The following IQGAP2 variants were observed in gnomAD, a reference collection of about 807,000 sequenced individuals.
IQGAP2 encodes ras GTPase-activating-like protein IQGAP2.
IQGAP2 carries 173 observed loss-of-function variants against 201.3 expected under a neutral mutation model. That is an observed-to-expected ratio of 0.86 (90% CI 0.76 to 0.98). The LOEUF (loss-of-function observed/expected upper bound fraction) is 0.98. Ranked by LOEUF, IQGAP2 falls within the 50% of genes least tolerant of loss-of-function variation. The pLI, the probability that IQGAP2 is intolerant of heterozygous loss-of-function variation, is 0.00. For missense variants in IQGAP2, 1,687 were observed against 1,864.8 expected, an observed-to-expected ratio of 0.90 and a Z score of 1.76; for synonymous variants, 675 against 673.9, an observed-to-expected ratio of 1.00 and a Z score of -0.03.
chr5:76,658,728 A>G (rs965982983), intron 21 of IQGAP2, 61 bp downstream of exon 21: 3 of 1,355,776 alleles, frequency 2.2e-6, no homozygotes, highest in African/African-American at 2.9e-5. Flanking sequence ...CATACAGTCA[A>G]GAGTCACTTA....
At chr5:76,567,755 TA>T (rs1374642708) in intron 3 of IQGAP2, among the ~76,000 whole-genome samples, 1 of 152,230 alleles carries the variant, frequency 6.6e-6, no homozygotes, top group African/African-American at 2.4e-5. Flanking sequence ...GTTTCTAAAC[TA>T]CCTCCTGGTT....
At chr5:76,555,547 G>T (rs1743882389) in intron 2 of IQGAP2, among the ~76,000 whole-genome samples, 1 of 152,180 alleles carries the variant, frequency 6.6e-6, no homozygotes, top group African/African-American at 2.4e-5. Flanking sequence ...CTTAAAATTT[G>T]TATTGGTGTG....
At chr5:76,445,663 C>A (rs1753343628) in intron 1 of IQGAP2, among the ~76,000 whole-genome samples, 1 of 152,022 alleles carries the variant, frequency 6.6e-6, no homozygotes, top group African/African-American at 2.4e-5. Context: ...TGGGGTTTCA[C>A]CATGTTGGCC....
chr5:76,426,905 G>GGTGTGTGTGTGTGTGTGTGT lies in IQGAP2; in HGVS notation c.46+23326_46+23345dup, dbSNP rs141560559. ...AGCCAAGCGGGGAAAAACCATGGAG[G>GGTGTGTGTGTGTGTGTGTGT]GTGTGTGTGTGTGTGTGTGTGTGTG... On this transcript the variant is annotated intron_variant, in intron 1 of 35. Coordinates refer to ENST00000274364, the MANE Select transcript of IQGAP2 (RefSeq NM_006633.5). Among the ~76,000 whole-genome samples, 343 of 146,686 alleles carry GGTGTGTGTGTGTGTGTGTGT rather than the reference G, an allele frequency of 2.3e-3. 3 individuals are homozygous for GGTGTGTGTGTGTGTGTGTGT. The highest frequency in any genetic ancestry group is 6.9e-3 in the Middle Eastern group (2 of 290).
In IQGAP2 at chr5:76,611,077, C is replaced by T. The variant is rs1459515361; in HGVS notation, c.1415C>T (p.Thr472Ile). The change falls in exon 13 of 36, where the codon ACT (threonine) becomes ATT (isoleucine). Residue 472 changes from threonine (T) to isoleucine (I), a missense_variant. Physicochemically the swap from Thr to Ile is moderately conservative, Grantham distance 89. Coordinates refer to ENST00000274364, the MANE Select transcript of IQGAP2 (RefSeq NM_006633.5). The stretch of plus-strand genomic sequence containing the variant: ...ATTGATGAAGGGAATCCTTTGAGGA[C>T]TTTAGAAACTTTGCTCCTACCTACT... The part of the protein sequence containing the change: ...EAIDEGNPLR[T>I]LETLLLPTAN... The T allele has an allele frequency of 6.2e-7, 1 of 1,613,644 alleles. No individual in the cohort carries two copies. The highest frequency in any genetic ancestry group is 2.2e-5 in the East Asian group (1 of 44,892).
At chr5:76,415,718 G>T (rs1412468383) in intron 1 of IQGAP2, among the ~76,000 whole-genome samples, 1 of 152,230 alleles carries the variant, frequency 6.6e-6, no homozygotes, top group Non-Finnish European at 1.5e-5. Context: ...GAGGCAGGCA[G>T]ATCACTGGAG....
chr5:76,618,271 A>G (rs372858542), intron 13 of IQGAP2: 2 of 1,614,232 alleles, frequency 1.2e-6, no homozygotes, highest in Non-Finnish European at 1.7e-6. Context: ...TTAAAGGGCA[A>G]TGTAACACAA....
chr5:76,569,690 C>T (rs988398973), intron 3 of IQGAP2, among the ~76,000 whole-genome samples: 4 of 152,148 alleles, frequency 2.6e-5, no homozygotes, highest in African/African-American at 7.2e-5. Flanking sequence ...TGATTATCTA[C>T]TACTGAATGT....
At chr5:76,512,240 T>G (rs1758014270) in intron 2 of IQGAP2, among the ~76,000 whole-genome samples, 1 of 152,164 alleles carries the variant, frequency 6.6e-6, no homozygotes, top group Non-Finnish European at 1.5e-5. Flanking sequence ...GGGTCCAGAA[T>G]CCTATCCCAA....
chr5:76,554,945 G>A (rs1561459663), intron 2 of IQGAP2, among the ~76,000 whole-genome samples: 1 of 152,078 alleles, frequency 6.6e-6, no homozygotes, highest in African/African-American at 2.4e-5. Flanking sequence ...AAATAAATGT[G>A]ATATATCCAT....
chr5:76,481,309 G>A (rs111233469), intron 2 of IQGAP2, among the ~76,000 whole-genome samples: 1,717 of 152,102 alleles, frequency 0.011, 31 homozygotes, highest in African/African-American at 0.039. Context: ...AAAAACAGGT[G>A]AAATAATTTT....
chr5:76,493,342 T>C (rs1266289774), intron 2 of IQGAP2, among the ~76,000 whole-genome samples: 1 of 150,708 alleles, frequency 6.6e-6, no homozygotes, highest in Admixed American at 6.6e-5. Flanking sequence ...ACTGGCCTCC[T>C]TGCTGTTCCT....
At chr5:76,436,519 T>A (rs917045316) in intron 1 of IQGAP2, among the ~76,000 whole-genome samples, 298 of 20,988 alleles carry the variant, frequency 0.014, no homozygotes, top group Middle Eastern at 0.083. Context: ...ATATATATAT[T>A]TTTTTTTTTT....
chr5:76,647,970 A>T (rs932254348), intron 17 of IQGAP2, among the ~76,000 whole-genome samples: 3 of 152,176 alleles, frequency 2.0e-5, no homozygotes, highest in Non-Finnish European at 2.9e-5. Flanking sequence ...TCTTGTGCCC[A>T]CTGAGCAGTA....
chr5:76,607,639 C>T (rs753140803), intron 12 of IQGAP2: 7 of 152,180 alleles, frequency 4.6e-5, no homozygotes, highest in East Asian at 1.9e-4. Flanking sequence ...TCTTGCCAGA[C>T]GTTAGTCAAG....
chr5:76,430,177 C>T (rs1204690502), intron 1 of IQGAP2, among the ~76,000 whole-genome samples: 1 of 152,176 alleles, frequency 6.6e-6, no homozygotes, highest in Admixed American at 6.5e-5. Flanking sequence ...CACCTCAAAA[C>T]TTAGTGGAAT....
intron 1 of IQGAP2, among the ~76,000 whole-genome samples, chr5:76,418,655 T>C (rs1751551200): frequency 6.6e-6 from 1 of 151,760 alleles, no homozygotes; most frequent in South Asian, 2.1e-4. Flanking sequence ...TTGAGACCCA[T>C]GCTGTAGGAA....
chr5:76,681,877 T>C (rs1466159750), intron 28 of IQGAP2, among the ~76,000 whole-genome samples: 1 of 152,202 alleles, frequency 6.6e-6, no homozygotes, highest in African/African-American at 2.4e-5. Context: ...ATTCATACAA[T>C]ACAATATTAT....
chr5:76,686,579 G>T (rs528867386), intron 30 of IQGAP2, among the ~76,000 whole-genome samples: 2 of 151,972 alleles, frequency 1.3e-5, no homozygotes, highest in Non-Finnish European at 2.9e-5. Context: ...GCATGATCTC[G>T]GGTCACTGCA....
Sources: allele counts gnomAD v4.1 joint callset (sites outside exome capture counted in the v4.1 genomes callset), GRCh38; gene constraint gnomAD v4.1.1; transcripts MANE v1.5; gene names NCBI Gene and HGNC (gene_info 2026-07-23, HGNC 2026-07-21).